CHN2: variants seen among roughly 807,000 people sequenced by gnomAD.
CHN2 encodes beta-chimaerin.
Under a neutral mutation model 56.3 loss-of-function variants are expected in CHN2, and 35 were observed. That is an observed-to-expected ratio of 0.62 (90% CI 0.47 to 0.82). The LOEUF (loss-of-function observed/expected upper bound fraction) is 0.82, where lower values mean the gene tolerates loss of function less well. Ranked by LOEUF, CHN2 falls within the 40% of genes least tolerant of loss-of-function variation. CHN2 has a pLI of 0.00. For missense variants in CHN2, 491 were observed against 580.5 expected, an observed-to-expected ratio of 0.85 and a Z score of 1.58; for synonymous variants, 210 against 212.8, an observed-to-expected ratio of 0.99 and a Z score of 0.12.
At chr7:29,446,316 C>T (rs1435681729) in intron 6 of CHN2, among the ~76,000 whole-genome samples, 3 of 152,188 alleles carry the variant, frequency 2.0e-5, no homozygotes, top group Non-Finnish European at 4.4e-5. Flanking sequence ...AAAAAAGAAT[C>T]ACCTTTTTAG....
chr7:29,226,952 T>C (rs1362604268), intron 1 of CHN2, among the ~76,000 whole-genome samples: 2 of 152,226 alleles, frequency 1.3e-5, no homozygotes, highest in Admixed American at 1.3e-4. Context: ...AATGGAGTTG[T>C]AATGAATACA....
At chr7:29,467,860 C>T (rs1272976790) in intron 6 of CHN2, among the ~76,000 whole-genome samples, 4 of 152,142 alleles carry the variant, frequency 2.6e-5, no homozygotes, top group African/African-American at 4.8e-5. Flanking sequence ...CCTGGCACAA[C>T]GTGAGCTCAA....
intron 7 of CHN2, among the ~76,000 whole-genome samples, chr7:29,482,817 T>C (rs1205941403): frequency 1.4e-4 from 10 of 69,218 alleles, no homozygotes; most frequent in Non-Finnish European, 2.4e-4. Flanking sequence ...TTTTTTTTTT[T>C]TTTTTTTTTT....
chr7:29,431,901 CAGTT>C (rs1173359232), intron 6 of CHN2, among the ~76,000 whole-genome samples: 1 of 152,222 alleles, frequency 6.6e-6, no homozygotes, highest in Non-Finnish European at 1.5e-5. Context: ...GAGAAATGCT[CAGTT>C]AGGTGGAAAT....
intron 6 of CHN2, among the ~76,000 whole-genome samples, chr7:29,435,392 G>T (rs1783143947): frequency 6.6e-6 from 1 of 152,140 alleles, no homozygotes; most frequent in African/African-American, 2.4e-5. Flanking sequence ...TAATGACAGG[G>T]ATTCATTCTG....
chr7:29,418,188 G>A (rs1346697488), intron 6 of CHN2, among the ~76,000 whole-genome samples: 3 of 152,364 alleles, frequency 2.0e-5, no homozygotes, highest in African/African-American at 2.4e-5. Flanking sequence ...TCTCACGTTC[G>A]TATGTTTCAT....
At chr7:29,151,221 G>T (rs959697428) in intron 2 of CHN2, among the ~76,000 whole-genome samples, 1 of 152,140 alleles carries the variant, frequency 6.6e-6, no homozygotes, top group Non-Finnish European at 1.5e-5. Context: ...TCTAATAAGT[G>T]CTTCCACTCT....
At chr7:29,496,113 G>A in intron 8 of CHN2, 77 bp downstream of exon 8, 2 of 1,240,836 alleles carry the variant, frequency 1.6e-6, no homozygotes, top group South Asian at 1.4e-5. Flanking sequence ...CTCCAGAGCT[G>A]GGAAATGTGC....
chr7:29,182,514 AC>A (rs1297564412), intron 2 of CHN2, among the ~76,000 whole-genome samples: 5 of 152,340 alleles, frequency 3.3e-5, no homozygotes, highest in African/African-American at 1.2e-4. Context: ...TAACTACTTG[AC>A]AAGTTTAGTC....
chr7:29,410,057 G>A (rs1370708049), intron 6 of CHN2, among the ~76,000 whole-genome samples: 3 of 152,164 alleles, frequency 2.0e-5, no homozygotes, highest in South Asian at 2.1e-4. Flanking sequence ...CTCACTAGGC[G>A]GTGGGGGGAC....
chr7:29,198,600 T>G lies in CHN2; in HGVS notation c.49+3610T>G, dbSNP rs145756389. ...AGATTGGCAGGAAGCTTTGATTACC[T>G]TTATTATTTTAAATTGCAAAAATAA... On this transcript the variant is annotated intron_variant, in intron 1 of 12. Transcript: ENST00000222792. 2.0e-4 allele frequency among the ~76,000 whole-genome samples: 31 copies of G among 152,352 alleles called. No individual in the cohort carries two copies. In the East Asian group the frequency reaches 6.0e-3, roughly 29 times the overall value.
chr7:29,431,333 T>C (rs1288385000), intron 6 of CHN2, among the ~76,000 whole-genome samples: 1 of 152,188 alleles, frequency 6.6e-6, no homozygotes, highest in East Asian at 1.9e-4. Flanking sequence ...AACTGGATTA[T>C]AGAGTTAAAT....
chr7:29,293,857 ATTTTTTTTTTTTTT>A (rs70980522), intron 1 of CHN2, among the ~76,000 whole-genome samples: 1 of 78,496 alleles, frequency 1.3e-5, no homozygotes, highest in Non-Finnish European at 2.4e-5. Context: ...GAGGCTGGGA[ATTTTTTTTTTTTTT>A]TTTTTTTTTT....
intron 3 of CHN2, among the ~76,000 whole-genome samples, chr7:29,370,997 G>C (rs1799562882): frequency 6.6e-6 from 1 of 152,212 alleles, no homozygotes; most frequent in Non-Finnish European, 1.5e-5. Context: ...CTCTCAGGGA[G>C]ATTAAGGCCT....
At chr7:29,473,511 A>G (rs1786335229) in intron 6 of CHN2, among the ~76,000 whole-genome samples, 1 of 114,732 alleles carries the variant, frequency 8.7e-6, no homozygotes, top group South Asian at 2.7e-4. Context: ...TGTGTGTTCT[A>G]ATTATCAGGC....
chr7:29,221,360 G>T (rs1258094246), intron 1 of CHN2, among the ~76,000 whole-genome samples: 1 of 152,122 alleles, frequency 6.6e-6, no homozygotes, highest in Admixed American at 6.5e-5. Context: ...AAAAAATCAA[G>T]TCTCTTTATA....
intron 2 of CHN2, among the ~76,000 whole-genome samples, chr7:29,361,217 A>G (rs1585159647): frequency 6.6e-6 from 1 of 152,336 alleles, no homozygotes; most frequent in South Asian, 2.1e-4. Flanking sequence ...ACGTTTTCAG[A>G]TTATGCGATA....
intron 1 of CHN2, among the ~76,000 whole-genome samples, chr7:29,324,045 TA>T (rs1269570244): frequency 2.0e-5 from 3 of 150,678 alleles, no homozygotes; most frequent in Non-Finnish European, 4.4e-5. Context: ...AAAAAAGTTA[TA>T]GGGGGTTGAA....
At chr7:29,346,640 C>T (rs1184630855) in intron 1 of CHN2, among the ~76,000 whole-genome samples, 2 of 152,180 alleles carry the variant, frequency 1.3e-5, no homozygotes, top group East Asian at 3.8e-4. Context: ...AAAAATAGGT[C>T]ATCTTCAACT....
Sources: allele counts gnomAD v4.1 joint callset (sites outside exome capture counted in the v4.1 genomes callset), GRCh38; gene constraint gnomAD v4.1.1; transcripts MANE v1.5; gene names NCBI Gene and HGNC (gene_info 2026-07-23, HGNC 2026-07-21).